SPNS3: variants seen among roughly 807,000 people sequenced by gnomAD.
SPNS3 encodes protein spinster homolog 3.
Under a neutral mutation model 54.4 loss-of-function variants are expected in SPNS3, and 51 were observed. The ratio of observed to expected loss-of-function variants is 0.94; its 90% CI spans 0.75 to 1.18. SPNS3 has a LOEUF of 1.18. SPNS3 is among the 50% of genes most tolerant of loss of function. SPNS3 has a pLI of 0.00. For missense variants in SPNS3, 669 were observed against 677.4 expected, an observed-to-expected ratio of 0.99 and a Z score of 0.14; for synonymous variants, 309 against 294.7, an observed-to-expected ratio of 1.05 and a Z score of -0.50.
At chr17:4,455,864 C>T (rs952246571) in intron 8 of SPNS3, among the ~76,000 whole-genome samples, 7 of 152,260 alleles carry the variant, frequency 4.6e-5, no homozygotes, top group East Asian at 1.9e-4. Context: ...ATTTAGCCAG[C>T]GTCCAGTCAG....
intron 6 of SPNS3, 72 bp downstream of exon 6, chr17:4,448,375 C>T: frequency 7.3e-7 from 1 of 1,379,090 alleles, no homozygotes. Flanking sequence ...TTGACCCCCT[C>T]TCTCCACCTC....
At chr17:4,444,755 G>A (rs1487221144) in intron 2 of SPNS3, among the ~76,000 whole-genome samples, 1 of 152,166 alleles carries the variant, frequency 6.6e-6, no homozygotes, top group Admixed American at 6.6e-5. Context: ...CCTGGGAGAG[G>A]ATGGTGACCT....
intron 8 of SPNS3, among the ~76,000 whole-genome samples, chr17:4,471,543 G>A (rs1005265013): frequency 4.6e-5 from 7 of 151,988 alleles, no homozygotes; most frequent in African/African-American, 1.7e-4. Context: ...ATGGCTGTCT[G>A]CAGCCTTGAC....
intron 2 of SPNS3, among the ~76,000 whole-genome samples, chr17:4,442,589 T>C (rs1173805634): frequency 6.6e-6 from 1 of 151,490 alleles, no homozygotes; most frequent in African/African-American, 2.4e-5. Context: ...GTGGTCAGGC[T>C]CCCTCCAGCC....
chr17:4,463,121 G>A (rs181000525), intron 8 of SPNS3, among the ~76,000 whole-genome samples: 25 of 152,070 alleles, frequency 1.6e-4, no homozygotes, highest in Non-Finnish European at 1.0e-4. Context: ...TATACTGGCC[G>A]GGTGCAGTGG....
chr17:4,456,299 G>A lies in SPNS3; in HGVS notation c.1113+3094G>A, dbSNP rs1395480369. Among the ~76,000 whole-genome samples, 4 of 152,044 alleles carry A rather than the reference G, an allele frequency of 2.6e-5. No homozygotes were observed. In the East Asian group the frequency reaches 5.8e-4, roughly 22 times the overall value. On this transcript the variant is annotated intron_variant, in intron 8 of 11. Transcript: ENST00000355530. ...ATCCTCCCCTGAGCATGACTTCCAC[G>A]CAAGCAGTGGGGGGCCAAATGGGAT...
chr17:4,443,822 C>T (rs533397206), intron 2 of SPNS3, among the ~76,000 whole-genome samples: 9 of 152,338 alleles, frequency 5.9e-5, no homozygotes, highest in South Asian at 2.1e-4. Flanking sequence ...GACAGTGGGC[C>T]GGGCACAGTG....
chr17:4,449,792 C>T (rs1376144439), intron 7 of SPNS3, among the ~76,000 whole-genome samples: 1 of 152,056 alleles, frequency 6.6e-6, no homozygotes, highest in Non-Finnish European at 1.5e-5. Context: ...CAAACTGGGG[C>T]CTGGGAGGCC....
Position 4,449,289 on chromosome 17 carries a change from A to G in SPNS3, c.825A>G (p.Gly275=), listed in dbSNP as rs374622398. 3.7e-5 allele frequency: 59 copies of G among 1,612,392 alleles called. No homozygotes were observed. Among genetic ancestry groups the G allele is most frequent in the Non-Finnish European group, 4.4e-5 (52 of 1,179,904 alleles). The part of the protein sequence containing the change: ...LGVTAMAFVT[G]ALGFWAPKFL... ...TGACCGCCATGGCCTTTGTGACTGGAGCCCTGGGGTTCTGGGCCCCCAAGT... is the reference window on the plus strand; with the variant it reads ...TGACCGCCATGGCCTTTGTGACTGGGGCCCTGGGGTTCTGGGCCCCCAAGT... The change falls in exon 7 of 12, where the codon GGA becomes GGG. Residue 275 remains glycine (G), a synonymous_variant. Coordinates refer to ENST00000355530, the MANE Select transcript of SPNS3 (RefSeq NM_182538.5).
intron 8 of SPNS3, among the ~76,000 whole-genome samples, chr17:4,454,360 C>T (rs1316099467): frequency 6.6e-6 from 1 of 152,254 alleles, no homozygotes; most frequent in Non-Finnish European, 1.5e-5. Context: ...TAGACCTCTC[C>T]TCCTTTCCCA....
chr17:4,451,655 T>G (rs1265249061), intron 7 of SPNS3, among the ~76,000 whole-genome samples: 2 of 151,620 alleles, frequency 1.3e-5, no homozygotes, highest in Non-Finnish European at 2.9e-5. Context: ...CCCTTTGAGC[T>G]CCTTTATTTG....
chr17:4,436,423 T>C (rs1383666205), intron 1 of SPNS3, among the ~76,000 whole-genome samples: 1 of 152,002 alleles, frequency 6.6e-6, no homozygotes, highest in Non-Finnish European at 1.5e-5. Context: ...AAAAACCTTG[T>C]CTCTACAAAA....
At position 4,453,050 on chromosome 17, in the gene SPNS3, G is replaced by A. The variant is rs760499890; in HGVS notation, c.958G>A (p.Val320Ile). ...IFGALTIMTGVIGVILGAEAA... is the reference protein window; with the variant it reads ...IFGALTIMTGIIGVILGAEAA... ...TGGGGCACTGACCATCATGACCGGC[G>A]TCATTGGGGTCATCTTGGGGGCAGA... Residue 320 changes from valine to isoleucine, a missense_variant, in exon 8 of 12, where the codon GTC becomes ATC. Val to Ile is a conservative substitution (Grantham distance 29). Coordinates refer to ENST00000355530, the MANE Select transcript of SPNS3 (RefSeq NM_182538.5). 38 of 1,613,892 alleles carry A rather than the reference G, an allele frequency of 2.4e-5. No homozygotes were observed. The highest frequency in any genetic ancestry group is 9.3e-5 in the African/African-American group (7 of 74,914).
In SPNS3 at chr17:4,487,042, C is replaced by T. The variant is rs565310294; in HGVS notation, c.1450+459C>T. Among the ~76,000 whole-genome samples, 5 of 151,964 alleles carry T rather than the reference C, an allele frequency of 3.3e-5. No individual in the cohort carries two copies. In the South Asian group the frequency reaches 1.0e-3, roughly 32 times the overall value. On this transcript the variant is annotated intron_variant, in intron 11 of 11. Coordinates refer to ENST00000355530, the MANE Select transcript of SPNS3 (RefSeq NM_182538.5). Reference sequence around the variant, plus strand: ...TAAAAATTAGCCAGGTGCGGTGGCACACACCTGTAGTCCCAGCTACTCAGG... The same window carrying T: ...TAAAAATTAGCCAGGTGCGGTGGCATACACCTGTAGTCCCAGCTACTCAGG...
intron 9 of SPNS3, among the ~76,000 whole-genome samples, chr17:4,484,461 T>A (rs1273752477): frequency 6.6e-6 from 1 of 152,024 alleles, no homozygotes; most frequent in Non-Finnish European, 1.5e-5. Context: ...GCTGGGATTA[T>A]AGGCACGCGC....
At chr17:4,446,687 G>A in intron 4 of SPNS3, 1 of 607,340 alleles carries the variant, frequency 1.6e-6, no homozygotes, top group Admixed American at 2.7e-5. Flanking sequence ...GCTGGGGGTG[G>A]GCCAGGAGCC....
intron 2 of SPNS3, among the ~76,000 whole-genome samples, chr17:4,443,094 A>G (rs1289386954): frequency 6.6e-6 from 1 of 150,952 alleles, no homozygotes; most frequent in Non-Finnish European, 1.5e-5. Flanking sequence ...TTTTTGAGAG[A>G]GACTCTCGCT....
Position 4,448,166 on chromosome 17 carries a change from C to T in SPNS3, c.633C>T (p.Cys211=). The change falls in exon 6 of 12, where the codon TGC becomes TGT. Residue 211 remains cysteine, a synonymous_variant. Transcript: ENST00000355530. ...NWRWALRVMP[C]LEAVALILLI... is the part of the protein sequence containing the mutation. ...CCTCCTGTCCCCAGGTCATGCCCTG[C>T]CTGGAGGCCGTGGCCTTGATCCTGC... is the stretch of plus-strand genomic sequence containing the variant. The T allele has an allele frequency of 1.3e-6, 2 of 1,593,796 alleles. No homozygotes were observed. Among genetic ancestry groups the T allele is most frequent in the Non-Finnish European group, 1.7e-6 (2 of 1,171,268 alleles).
chr17:4,440,222 G>A (rs756539979), intron 2 of SPNS3, among the ~76,000 whole-genome samples: 6 of 152,184 alleles, frequency 3.9e-5, no homozygotes, highest in Non-Finnish European at 8.8e-5. Context: ...GCAGCCACAC[G>A]TCCCATCGCA....
Sources: allele counts gnomAD v4.1 joint callset (sites outside exome capture counted in the v4.1 genomes callset), GRCh38; gene constraint gnomAD v4.1.1; transcripts MANE v1.5; gene names NCBI Gene and HGNC (gene_info 2026-07-23, HGNC 2026-07-21).